The following EBF4 variants were observed in gnomAD, a reference collection of about 807,000 sequenced individuals.
EBF4 encodes the protein EBF transcription factor 4.
A neutral mutation model predicts 67.1 loss-of-function variants in EBF4; 34 were observed. The observed-to-expected ratio is 0.51, with a 90% CI of 0.39 to 0.67. EBF4 has a LOEUF of 0.67. Ranked by LOEUF, EBF4 falls within the 30% of genes least tolerant of loss-of-function variation. The probability of loss-of-function intolerance (pLI) is 0.00; values close to 1 mark genes in which losing one functional copy is unlikely to be tolerated. For missense variants in EBF4, 837 were observed against 873.3 expected, an observed-to-expected ratio of 0.96 and a Z score of 0.52; for synonymous variants, 387 against 377.7, an observed-to-expected ratio of 1.02 and a Z score of -0.29.
intron 6 of EBF4, among the ~76,000 whole-genome samples, chr20:2,725,025 G>A (rs2087729931): frequency 6.6e-6 from 1 of 152,188 alleles, no homozygotes; most frequent in Non-Finnish European, 1.5e-5. Context: ...ACTCTGGTAT[G>A]TCTAGGTGTG....
chr20:2,721,214 T>C (rs2087675100), intron 6 of EBF4, among the ~76,000 whole-genome samples: 1 of 151,732 alleles, frequency 6.6e-6, no homozygotes, highest in South Asian at 2.1e-4. Flanking sequence ...TTGGAACTTC[T>C]TGAAGTTTTT....
chr20:2,758,839 A>C, intron 15 of EBF4, 70 bp from the exon 16 acceptor site: 3 of 1,369,766 alleles, frequency 2.2e-6, no homozygotes, highest in Non-Finnish European at 3.1e-6. Context: ...TCTCCAGCCC[A>C]GAGAGTGACA....
At chr20:2,737,261 A>AGAAAAG (rs61251609) in intron 6 of EBF4, among the ~76,000 whole-genome samples, 5 of 150,320 alleles carry the variant, frequency 3.3e-5, no homozygotes, top group Non-Finnish European at 7.4e-5. Flanking sequence ...AAAAAAAAAA[A>AGAAAAG]AAAAGAAAAG....
At chr20:2,716,795 G>A (rs2087616741) in intron 6 of EBF4, among the ~76,000 whole-genome samples, 1 of 152,064 alleles carries the variant, frequency 6.6e-6, no homozygotes, top group Admixed American at 6.5e-5. Context: ...GCTATTTGTG[G>A]GTCTGTTCCT....
intron 6 of EBF4, among the ~76,000 whole-genome samples, chr20:2,726,664 C>T (rs1328553549): frequency 6.6e-6 from 1 of 151,882 alleles, no homozygotes; most frequent in African/African-American, 2.4e-5. Flanking sequence ...TCCTTTTCCC[C>T]CATTACTCTT....
chr20:2,706,234 C>T (rs373309766), exon 4 of EBF4: 72 of 1,552,114 alleles, frequency 4.6e-5, no homozygotes, highest in Admixed American at 3.3e-4. Flanking sequence ...AAGACCTCTA[C>T]GTGCGTCTCA....
intron 14 of EBF4, among the ~76,000 whole-genome samples, chr20:2,754,816 C>A (rs1934641490): frequency 6.6e-6 from 1 of 152,156 alleles, no homozygotes; most frequent in Non-Finnish European, 1.5e-5. Context: ...AGGGGGCAGG[C>A]AAAGTCTGTG....
chr20:2,754,177 C>T (rs539509985), intron 14 of EBF4, among the ~76,000 whole-genome samples: 2 of 152,234 alleles, frequency 1.3e-5, no homozygotes, highest in South Asian at 4.2e-4. Flanking sequence ...TTGTCTTGAC[C>T]GAGGCTTACC....
At chr20:2,706,723 C>G (rs2087464678) in intron 4 of EBF4, among the ~76,000 whole-genome samples, 1 of 152,204 alleles carries the variant, frequency 6.6e-6, no homozygotes, top group African/African-American at 2.4e-5. Flanking sequence ...AGCACGTAAC[C>G]TCTGAGACAT....
chr20:2,706,371 C>T (rs2087459289), intron 4 of EBF4, 107 bp downstream of exon 4: 5 of 1,319,220 alleles, frequency 3.8e-6, no homozygotes, highest in Non-Finnish European at 5.3e-6. Flanking sequence ...TCCCTATGCC[C>T]TCCGTCCCCA....
At chr20:2,716,619 C>A (rs1162553862) in intron 6 of EBF4, among the ~76,000 whole-genome samples, 1 of 151,992 alleles carries the variant, frequency 6.6e-6, no homozygotes, top group Non-Finnish European at 1.5e-5. Context: ...TTTTCCCTTT[C>A]ACATTTGTCA....
chr20:2,736,923 G>A (rs2087886496), intron 6 of EBF4, among the ~76,000 whole-genome samples: 1 of 152,186 alleles, frequency 6.6e-6, no homozygotes, highest in African/African-American at 2.4e-5. Context: ...GCTGAGACAG[G>A]AGCAGAGATT....
intron 6 of EBF4, among the ~76,000 whole-genome samples, chr20:2,726,124 A>G (rs1264779359): frequency 6.6e-6 from 1 of 152,100 alleles, no homozygotes; most frequent in Non-Finnish European, 1.5e-5. Flanking sequence ...TTAATAATCC[A>G]TCTTTCTTCC....
chr20:2,739,317 G>A lies in EBF4; in HGVS notation c.558-9232G>A, dbSNP rs938307791. The stretch of plus-strand genomic sequence containing the variant: ...ACTGATCGAGTGAGCCGTCTGCCCC[G>A]TGGTGGAGCTGTTAGTCCCTTTGCA... On this transcript the variant is annotated intron_variant, in intron 6 of 16. Transcript: ENST00000609451. This position sits in a 1 kb window ranked among gnomAD's most constrained non-coding sequence, Gnocchi z 4.5. Among the ~76,000 whole-genome samples, 15 of 151,688 alleles carry A rather than the reference G, an allele frequency of 9.9e-5. No homozygotes were observed. Among genetic ancestry groups the A allele is most frequent in the Admixed American group, 9.2e-4 (14 of 15,220 alleles).
At chr20:2,706,833 T>C (rs1357318118) in intron 4 of EBF4, among the ~76,000 whole-genome samples, 4 of 151,970 alleles carry the variant, frequency 2.6e-5, no homozygotes, top group Non-Finnish European at 1.5e-5. Flanking sequence ...ACATTTCCAG[T>C]AAAGGGGATG....
chr20:2,712,514 G>A (rs1215127513), intron 6 of EBF4, among the ~76,000 whole-genome samples: 1 of 152,162 alleles, frequency 6.6e-6, no homozygotes, highest in East Asian at 1.9e-4. Flanking sequence ...GGTTTTGGAG[G>A]AGAAAGATCT....
chr20:2,705,835 ACACT>A lies in EBF4; in HGVS notation c.294+103_294+106del, dbSNP rs1235975828. 1.4e-5 allele frequency: 19 copies of A among 1,364,560 alleles called. No individual in the cohort carries two copies. The Admixed American group carries it at 2.9e-4, about 21-fold the overall frequency. 84.5% of individuals were successfully genotyped at this position (1,364,560 alleles called of 1,614,324 possible). Reference sequence around the variant, plus strand: ...CACACACACACACACACACACACACACACTGGGACAGATGAATGGATGGAAGCTG... The same window carrying A: ...CACACACACACACACACACACACACAGGGACAGATGAATGGATGGAAGCTG... On this transcript the variant is annotated intron_variant, in intron 2 of 16. Transcript: ENST00000609451.
intron 7 of EBF4, 42 bp from the exon 8 acceptor site, chr20:2,749,359 C>T (rs1489323630): frequency 6.8e-7 from 1 of 1,461,164 alleles, no homozygotes; most frequent in Non-Finnish European, 9.2e-7. Context: ...TCCCGGGAGC[C>T]CCCGAGGGCC....
intron 14 of EBF4, among the ~76,000 whole-genome samples, chr20:2,753,303 G>C (rs142715019): frequency 2.0e-4 from 31 of 152,310 alleles, no homozygotes; most frequent in African/African-American, 7.5e-4. Flanking sequence ...TTCTTAGAGT[G>C]GGGAGCTCAG....
Sources: allele counts gnomAD v4.1 joint callset (sites outside exome capture counted in the v4.1 genomes callset), GRCh38; gene constraint gnomAD v4.1.1; non-coding constraint Gnocchi (gnomAD v3.1); transcripts MANE v1.5; gene names NCBI Gene and HGNC (gene_info 2026-07-23, HGNC 2026-07-21).